NXPH1: variants seen among roughly 807,000 people sequenced by gnomAD.
NXPH1 encodes the protein neurexophilin 1, also known as neurexophilin-1.
A neutral mutation model predicts 23.7 loss-of-function variants in NXPH1; 5 were observed. The ratio of observed to expected loss-of-function variants is 0.21; its 90% CI spans 0.11 to 0.44. The LOEUF (loss-of-function observed/expected upper bound fraction) is 0.44. Ranked by LOEUF, NXPH1 falls within the 20% of genes least tolerant of loss-of-function variation. The pLI is 0.99. For missense variants in NXPH1, 324 were observed against 321.6 expected (o/e 1.01, Z -0.06); for synonymous variants, 144 against 122.2 (o/e 1.18, Z -1.18).
At chr7:8,655,451 TACACACACACACAC>T (rs71017603) in intron 2 of NXPH1, among the ~76,000 whole-genome samples, 1 of 139,098 alleles carries the variant, frequency 7.2e-6, no homozygotes, top group South Asian at 2.3e-4. Context: ...TCTCTCTCTA[TACACACACACACAC>T]ACACACACAC....
At chr7:8,526,240 C>A (rs553559546) in intron 2 of NXPH1, among the ~76,000 whole-genome samples, 1 of 152,290 alleles carries the variant, frequency 6.6e-6, no homozygotes, top group Admixed American at 6.5e-5. Flanking sequence ...TTGCATGGGC[C>A]CTGTAATCCC....
At chr7:8,716,590 A>G (rs1779882310) in intron 2 of NXPH1, among the ~76,000 whole-genome samples, 1 of 152,246 alleles carries the variant, frequency 6.6e-6, no homozygotes, top group Non-Finnish European at 1.5e-5. Context: ...AGAAAAATTT[A>G]AACTTGTGAA....
At chr7:8,632,085 T>C (rs1232568674) in intron 2 of NXPH1, among the ~76,000 whole-genome samples, 2 of 152,184 alleles carry the variant, frequency 1.3e-5, no homozygotes, top group African/African-American at 4.8e-5. Context: ...ACCTTATGTC[T>C]GCCATTCAGG....
At chr7:8,525,531 G>C (rs1440218886) in intron 2 of NXPH1, among the ~76,000 whole-genome samples, 2 of 152,160 alleles carry the variant, frequency 1.3e-5, no homozygotes, top group Non-Finnish European at 2.9e-5. Context: ...GGCCATGTCA[G>C]ATAACTTCAC....
chr7:8,504,244 A>G (rs561435796), intron 2 of NXPH1, among the ~76,000 whole-genome samples: 32 of 152,184 alleles, frequency 2.1e-4, no homozygotes, highest in African/African-American at 6.3e-4. Context: ...TAGCAGTACT[A>G]TTCTCAACCT....
chr7:8,684,199 G>A (rs1459209341), intron 2 of NXPH1, among the ~76,000 whole-genome samples: 1 of 152,132 alleles, frequency 6.6e-6, no homozygotes. Context: ...ACTTTCTACG[G>A]TCAGGCTATT....
At chr7:8,600,828 T>G (rs1819342354) in intron 2 of NXPH1, among the ~76,000 whole-genome samples, 1 of 152,158 alleles carries the variant, frequency 6.6e-6, no homozygotes, top group Non-Finnish European at 1.5e-5. Context: ...TATATACAGT[T>G]GTCCCTCTGT....
At chr7:8,702,285 A>C (rs946239310) in intron 2 of NXPH1, among the ~76,000 whole-genome samples, 1 of 152,160 alleles carries the variant, frequency 6.6e-6, no homozygotes, top group Non-Finnish European at 1.5e-5. Flanking sequence ...TATTGCATAC[A>C]TGTATTGAAA....
intron 2 of NXPH1, among the ~76,000 whole-genome samples, chr7:8,735,067 T>C (rs558380056): frequency 6.6e-6 from 1 of 152,324 alleles, no homozygotes; most frequent in East Asian, 1.9e-4. Context: ...TTTCTAAATA[T>C]AAAATCATGT....
At chr7:8,635,335 T>G (rs1449181340) in intron 2 of NXPH1, among the ~76,000 whole-genome samples, 1 of 152,222 alleles carries the variant, frequency 6.6e-6, no homozygotes, top group Non-Finnish European at 1.5e-5. Flanking sequence ...CACATTCTAT[T>G]TGGTTAGACA....
chr7:8,685,728 G>A (rs1821136103), intron 2 of NXPH1, among the ~76,000 whole-genome samples: 1 of 151,780 alleles, frequency 6.6e-6, no homozygotes, highest in Admixed American at 6.6e-5. Context: ...CCCACCAATT[G>A]AACTCATCGA....
At chr7:8,482,147 T>C (rs114404735) in intron 2 of NXPH1, among the ~76,000 whole-genome samples, 3,044 of 152,270 alleles carry the variant, frequency 0.02, 112 homozygotes, top group African/African-American at 0.07. Context: ...CCAGTTTGCT[T>C]CACTTTAAAG....
chr7:8,664,115 T>A (rs1820724239), intron 2 of NXPH1, among the ~76,000 whole-genome samples: 1 of 152,096 alleles, frequency 6.6e-6, no homozygotes, highest in African/African-American at 2.4e-5. Flanking sequence ...TTTCTCTGTT[T>A]TGGGTATTTC....
At chr7:8,577,060 AT>A (rs1425978816) in intron 2 of NXPH1, among the ~76,000 whole-genome samples, 2 of 152,170 alleles carry the variant, frequency 1.3e-5, no homozygotes, top group African/African-American at 4.8e-5. Flanking sequence ...TTATTAGAAC[AT>A]TTGAAATGAT....
chr7:8,668,202 T>G (rs1453780055), intron 2 of NXPH1, among the ~76,000 whole-genome samples: 1 of 152,094 alleles, frequency 6.6e-6, no homozygotes, highest in Non-Finnish European at 1.5e-5. Flanking sequence ...TCCATTTCTT[T>G]GTGGTCAGCA....
At chr7:8,552,280 C>G (rs952013432) in intron 2 of NXPH1, among the ~76,000 whole-genome samples, 11 of 151,286 alleles carry the variant, frequency 7.3e-5, no homozygotes, top group Non-Finnish European at 1.5e-4. Context: ...CAGCAATAAC[C>G]GATAGCAAGC....
At chr7:8,526,996 T>C (rs1176075635) in intron 2 of NXPH1, among the ~76,000 whole-genome samples, 2 of 152,120 alleles carry the variant, frequency 1.3e-5, no homozygotes, top group Non-Finnish European at 2.9e-5. Context: ...CTGATGATAA[T>C]ATCTCACCAG....
chr7:8,731,580 G>A (rs1360667799), intron 2 of NXPH1, among the ~76,000 whole-genome samples: 1 of 152,096 alleles, frequency 6.6e-6, no homozygotes. Context: ...TCAGCTGCAG[G>A]TCTGTTGGAG....
chr7:8,738,841 G>C (rs114030122), intron 2 of NXPH1, among the ~76,000 whole-genome samples: 2,116 of 152,256 alleles, frequency 0.014, 45 homozygotes, highest in African/African-American at 0.048. Flanking sequence ...GGAATCTAGA[G>C]AGGCACATTG....
Sources: allele counts gnomAD v4.1 joint callset (sites outside exome capture counted in the v4.1 genomes callset), GRCh38; gene constraint gnomAD v4.1.1; transcripts MANE v1.5; gene names NCBI Gene and HGNC (gene_info 2026-07-23, HGNC 2026-07-21).